MCF2L2: variants seen among roughly 807,000 people sequenced by gnomAD.
The protein encoded by MCF2L2 is probable guanine nucleotide exchange factor MCF2L2.
In MCF2L2, 102 loss-of-function variants were observed where a neutral mutation model predicts 150.2. The observed-to-expected ratio is 0.68, with a 90% CI of 0.58 to 0.80. MCF2L2 has a LOEUF of 0.80. Ranked by LOEUF, MCF2L2 falls within the 30% of genes least tolerant of loss-of-function variation. The pLI is 0.00. For synonymous variants in MCF2L2, 465 were observed against 491.3 expected (o/e 0.95, Z 0.71); for missense variants, 1,256 against 1,372.8 (o/e 0.91, Z 1.34).
Position 183,295,496 on chromosome 3 carries a change from A to C in MCF2L2, c.1498-19T>G. ...CTTTGGCCTACAGTAACAAAAGCAA[A>C]TCATGATGAACAGGTCTCTCTGTAT... On this transcript the variant is annotated intron_variant, in intron 12 of 29. Transcript: ENST00000328913. 6.2e-7 allele frequency: 1 copy of C among 1,613,012 alleles called. No homozygotes were observed. Among genetic ancestry groups the C allele is most frequent in the Non-Finnish European group, 8.5e-7 (1 of 1,179,102 alleles).
intron 2 of MCF2L2, among the ~76,000 whole-genome samples, chr3:183,379,778 A>C (rs1713409276): frequency 6.6e-6 from 1 of 152,124 alleles, no homozygotes; most frequent in Non-Finnish European, 1.5e-5. Context: ...AAGAGAGTTA[A>C]CGCTAAAATC....
intron 15 of MCF2L2, among the ~76,000 whole-genome samples, chr3:183,265,079 A>G (rs1037276336): frequency 6.6e-6 from 1 of 151,974 alleles, no homozygotes; most frequent in African/African-American, 2.4e-5. Flanking sequence ...TGCTTTTTCT[A>G]TTTCCTATTT....
At chr3:183,272,821 C>A in intron 15 of MCF2L2, 1 of 1,213,754 alleles carries the variant, frequency 8.2e-7, no homozygotes, top group Non-Finnish European at 1.0e-6. Flanking sequence ...TTTAAGGTTG[C>A]CATTGGTTGA....
intron 14 of MCF2L2, 80 bp from the exon 15 acceptor site, chr3:183,277,037 G>T: frequency 1.0e-6 from 1 of 992,452 alleles, no homozygotes; most frequent in Non-Finnish European, 1.5e-6. Context: ...CAATTTCTGT[G>T]TTTGATTTTG....
rs115340956 is a variant in MCF2L2, at chr3:183,218,011, T to C, written c.2370+1845A>G. Among the ~76,000 whole-genome samples, 1,482 of 152,348 alleles carry C rather than the reference T, an allele frequency of 9.7e-3. 17 individuals carry two copies. The highest frequency in any genetic ancestry group is 0.034 in the African/African-American group (1,411 of 41,578). On this transcript the variant is annotated intron_variant, in intron 21 of 29. Coordinates refer to ENST00000328913, the MANE Select transcript of MCF2L2 (RefSeq NM_015078.4). The stretch of plus-strand genomic sequence containing the variant: ...ATACACATAAAAAAATTTTGGTTTA[T>C]TCAATGTATTTTTTTAACATCTCAA...
At chr3:183,310,348 A>G (rs1390723351) in intron 9 of MCF2L2, among the ~76,000 whole-genome samples, 1 of 151,998 alleles carries the variant, frequency 6.6e-6, no homozygotes, top group African/African-American at 2.4e-5. Context: ...CAAAAATACA[A>G]AAAATTAGCT....
intron 4 of MCF2L2, among the ~76,000 whole-genome samples, chr3:183,340,826 T>C (rs1418261319): frequency 6.6e-6 from 1 of 151,936 alleles, no homozygotes; most frequent in African/African-American, 2.4e-5. Flanking sequence ...GCCTGCAATC[T>C]CAGCTACTTG....
chr3:183,384,248 A>G (rs1713699729), intron 2 of MCF2L2, among the ~76,000 whole-genome samples: 2 of 152,234 alleles, frequency 1.3e-5, no homozygotes, highest in South Asian at 4.1e-4. Flanking sequence ...TCCTGGGCGT[A>G]GGCTGAACTA....
In MCF2L2 at chr3:183,223,419, T is replaced by A; in HGVS notation, c.2228A>T (p.Asp743Val). Reference protein sequence around the residue: ...AYFGVCQRQLDHNLPLFKYLK... With the variant: ...AYFGVCQRQLVHNLPLFKYLK... ...ATACTTAAAAAGAGGGAGATTGTGA[T>A]CCAGTTGGCGCTGGCATACCTTTAA... Residue 743 changes from aspartate to valine, a missense_variant, in exon 20 of 30, where the codon GAT (aspartate) becomes GTT (valine). Asp to Val is a radical substitution (Grantham distance 152). Coordinates refer to ENST00000328913, the MANE Select transcript of MCF2L2 (RefSeq NM_015078.4). 2 of 1,614,116 alleles carry A rather than the reference T, an allele frequency of 1.2e-6. No homozygotes were observed. Among genetic ancestry groups the A allele is most frequent in the Non-Finnish European group, 1.7e-6 (2 of 1,179,930 alleles).
At chr3:183,388,439 C>T (rs1050299976) in intron 2 of MCF2L2, among the ~76,000 whole-genome samples, 5 of 152,224 alleles carry the variant, frequency 3.3e-5, no homozygotes, top group African/African-American at 1.2e-4. Flanking sequence ...AGCCATGAGA[C>T]TGTGCCTTCA....
At chr3:183,389,590 G>T in intron 2 of MCF2L2, 106 bp downstream of exon 2, 1 of 935,630 alleles carries the variant, frequency 1.1e-6, no homozygotes, top group Non-Finnish European at 1.7e-6. Context: ...AAGCCTAAGG[G>T]GTGAGTGAGA....
Position 183,379,356 on chromosome 3 carries a change from G to C in MCF2L2, c.216C>G (p.Phe72Leu). ...PIITFPEFSG[F>L]KHIPDEDFLN... The stretch of plus-strand genomic sequence containing the variant: ...GGAAGTCTTCATCTGGGATGTGTTT[G>C]AACCCCGAAAACTCTGGGAACGTGA... Residue 72 changes from phenylalanine (F) to leucine (L), a missense_variant, in exon 3 of 30, where the codon TTC (phenylalanine) becomes TTG (leucine). By Grantham distance (22) the Phe-to-Leu change is conservative (BLOSUM62 0). Coordinates refer to ENST00000328913, the MANE Select transcript of MCF2L2 (RefSeq NM_015078.4). The C allele has an allele frequency of 6.2e-7, 1 of 1,610,942 alleles. No individual in the cohort carries two copies. The highest frequency in any genetic ancestry group is 8.5e-7 in the Non-Finnish European group (1 of 1,178,746).
At chr3:183,321,112 C>G (rs1729791889) in intron 6 of MCF2L2, among the ~76,000 whole-genome samples, 1 of 152,122 alleles carries the variant, frequency 6.6e-6, no homozygotes, top group South Asian at 2.1e-4. Context: ...AATAGCAACA[C>G]CAAAGATTGC....
intron 10 of MCF2L2, among the ~76,000 whole-genome samples, chr3:183,308,640 C>T (rs1729217512): frequency 1.3e-5 from 2 of 152,192 alleles, no homozygotes; most frequent in Non-Finnish European, 2.9e-5. Flanking sequence ...AATCTACAAC[C>T]AACAGCTCTT....
chr3:183,340,833 C>T (rs1730667742), intron 4 of MCF2L2, among the ~76,000 whole-genome samples: 2 of 152,270 alleles, frequency 1.3e-5, no homozygotes, highest in South Asian at 4.1e-4. Context: ...ATCTCAGCTA[C>T]TTGGGAGGCT....
chr3:183,319,244 A>G (rs145776440), intron 6 of MCF2L2, among the ~76,000 whole-genome samples: 23 of 152,348 alleles, frequency 1.5e-4, no homozygotes, highest in Non-Finnish European at 2.6e-4. Flanking sequence ...ATCCGTAAAA[A>G]ACTGTTCTTC....
chr3:183,421,014 G>A (rs1055373004), intron 1 of MCF2L2, among the ~76,000 whole-genome samples: 23 of 128,640 alleles, frequency 1.8e-4, no homozygotes, highest in African/African-American at 6.9e-4. Context: ...TTTGCTTTCT[G>A]TCATCTATCA....
At chr3:183,359,408 G>C (rs749844231) in intron 3 of MCF2L2, among the ~76,000 whole-genome samples, 7 of 152,164 alleles carry the variant, frequency 4.6e-5, no homozygotes, top group Middle Eastern at 3.2e-3. Flanking sequence ...GCACTCTGCA[G>C]GGAAACTGGA....
chr3:183,291,114 C>T (rs1728116219), intron 13 of MCF2L2, among the ~76,000 whole-genome samples: 1 of 151,902 alleles, frequency 6.6e-6, no homozygotes, highest in South Asian at 2.1e-4. Context: ...CCTTTGGGCT[C>T]CTCCCTCTCT....
Sources: gnomAD v4.1 joint callset for allele counts (sites outside exome capture counted in the v4.1 genomes callset) on GRCh38, gnomAD v4.1.1 for gene constraint, MANE v1.5 for transcripts, NCBI Gene and HGNC (gene_info 2026-07-23, HGNC 2026-07-21) for gene names.